VPS50: variants seen among roughly 807,000 people sequenced by gnomAD.
VPS50 encodes the protein syndetin.
Under a neutral mutation model 139.7 loss-of-function variants are expected in VPS50, and 70 were observed. The ratio of observed to expected loss-of-function variants is 0.50; its 90% confidence interval spans 0.41 to 0.61. The LOEUF (loss-of-function observed/expected upper bound fraction) is 0.61, where lower values mean the gene tolerates loss of function less well. VPS50 is among the 20% of genes least tolerant of loss of function. The pLI, the probability that VPS50 is intolerant of heterozygous loss-of-function variation, is 0.00. For missense variants in VPS50, 921 were observed against 1,133.7 expected, an observed-to-expected ratio of 0.81 and a Z score of 2.69; for synonymous variants, 365 against 376.7, an observed-to-expected ratio of 0.97 and a Z score of 0.36.
chr7:93,284,506 T>C (rs1445926042), intron 12 of VPS50, among the ~76,000 whole-genome samples: 1 of 152,226 alleles, frequency 6.6e-6, no homozygotes, highest in East Asian at 1.9e-4. Context: ...TAATTCCAAG[T>C]TGGGATTATT....
intron 20 of VPS50, among the ~76,000 whole-genome samples, chr7:93,314,864 A>T (rs1051136753): frequency 6.6e-6 from 1 of 152,028 alleles, no homozygotes; most frequent in Non-Finnish European, 1.5e-5. Flanking sequence ...CAAATACTAG[A>T]TGACAGACTG....
intron 12 of VPS50, among the ~76,000 whole-genome samples, chr7:93,282,739 T>C (rs1796365897): frequency 6.6e-6 from 1 of 152,232 alleles, no homozygotes; most frequent in Non-Finnish European, 1.5e-5. Context: ...TGTGGTTGAA[T>C]AGGTGAGTAG....
intron 12 of VPS50, among the ~76,000 whole-genome samples, chr7:93,286,129 C>T (rs1796477239): frequency 6.6e-6 from 1 of 151,998 alleles, no homozygotes; most frequent in Non-Finnish European, 1.5e-5. Context: ...GGAAGAGTAG[C>T]AGTGGAAAAT....
chr7:93,255,016 T>C (rs1356556128), intron 4 of VPS50, among the ~76,000 whole-genome samples: 2 of 152,056 alleles, frequency 1.3e-5, no homozygotes, highest in Non-Finnish European at 2.9e-5. Flanking sequence ...GGATTTGAGC[T>C]CTAGAGCAGT....
At chr7:93,326,427 C>T (rs1308560242) in intron 21 of VPS50, among the ~76,000 whole-genome samples, 1 of 143,228 alleles carries the variant, frequency 7.0e-6, no homozygotes, top group Non-Finnish European at 1.5e-5. Flanking sequence ...TGCACATGTA[C>T]CCTAAAACTT....
intron 4 of VPS50, among the ~76,000 whole-genome samples, chr7:93,255,068 G>C (rs983857741): frequency 6.6e-6 from 1 of 152,036 alleles, no homozygotes; most frequent in Non-Finnish European, 1.5e-5. Context: ...TTTTGTGGAA[G>C]ACAATTTTTC....
At chr7:93,297,313 T>G (rs918538666) in intron 16 of VPS50, 70 bp downstream of exon 16, 46 of 1,323,034 alleles carry the variant, frequency 3.5e-5, no homozygotes, top group Non-Finnish European at 4.4e-5. Context: ...ATACTTAATC[T>G]TATAGCATTA....
chr7:93,270,664 A>G (rs140569575), intron 9 of VPS50, among the ~76,000 whole-genome samples: 1 of 152,068 alleles, frequency 6.6e-6, no homozygotes, highest in Non-Finnish European at 1.5e-5. Flanking sequence ...AAGAGGTTAT[A>G]TCAGTTTCCC....
At chr7:93,309,728 A>G (rs1797211616) in intron 19 of VPS50, among the ~76,000 whole-genome samples, 1 of 151,950 alleles carries the variant, frequency 6.6e-6, no homozygotes, top group Non-Finnish European at 1.5e-5. Flanking sequence ...TATGATAATT[A>G]TAAGAGAATT....
chr7:93,273,844 A>G (rs1796078675), intron 11 of VPS50, among the ~76,000 whole-genome samples: 1 of 152,124 alleles, frequency 6.6e-6, no homozygotes, highest in South Asian at 2.1e-4. Context: ...TTTTTCCAAC[A>G]GTATGCATGC....
At chr7:93,331,357 A>G (rs995717489) in intron 21 of VPS50, among the ~76,000 whole-genome samples, 2 of 152,134 alleles carry the variant, frequency 1.3e-5, no homozygotes, top group African/African-American at 4.8e-5. Context: ...CTGATTTCAC[A>G]AAGACTTACT....
rs749593656 is a variant in VPS50 at position 93,276,281 on chromosome 7, G to A, written c.918G>A (p.Lys306=). The A allele has an allele frequency of 6.2e-7, 1 of 1,613,336 alleles. No homozygotes were observed. Among genetic ancestry groups the A allele is most frequent in the Non-Finnish European group, 8.5e-7 (1 of 1,179,532 alleles). Residue 306 remains lysine (K), a synonymous_variant, in exon 12 of 28, where the codon AAG becomes AAA. Transcript: ENST00000305866. ...CAGNTDTKFQ[K]LQYKDLCTHV... Reference sequence around the variant, plus strand: ...GAAACACAGACACAAAATTCCAAAAGCTGCAATATAAGGATCTCTGTACAG... The same window carrying A: ...GAAACACAGACACAAAATTCCAAAAACTGCAATATAAGGATCTCTGTACAG...
At chr7:93,243,930 TG>T (rs1795071589) in intron 2 of VPS50, among the ~76,000 whole-genome samples, 1 of 151,934 alleles carries the variant, frequency 6.6e-6, no homozygotes. Context: ...ATACTAATAT[TG>T]TTTTACGAGT....
chr7:93,353,696 C>A lies in VPS50; in HGVS notation c.2520C>A (p.Pro840=). The A allele has an allele frequency of 6.2e-7, 1 of 1,612,400 alleles. No individual in the cohort carries two copies. Among genetic ancestry groups the A allele is most frequent in the South Asian group, 1.1e-5 (1 of 91,000 alleles). The change falls in exon 26 of 28, where the codon CCC becomes CCA. Residue 840 remains proline, a synonymous_variant. Coordinates refer to ENST00000305866, the MANE Select transcript of VPS50 (RefSeq NM_017667.4). Reference sequence around the variant, plus strand: ...AAGTTTCTAAGAGAGTTCGCATACCCTTGCCTGTGTCTAATATACTTTGGG... The same window carrying A: ...AAGTTTCTAAGAGAGTTCGCATACCATTGCCTGTGTCTAATATACTTTGGG... ...LNEVSKRVRI[P]LPVSNILWEH... is the part of the protein sequence containing the mutation.
chr7:93,353,999 G>A (rs993640079), intron 26 of VPS50, among the ~76,000 whole-genome samples: 2 of 152,008 alleles, frequency 1.3e-5, no homozygotes, highest in Non-Finnish European at 2.9e-5. Context: ...AGAATCTAAT[G>A]GTTATCTGAA....
chr7:93,284,034 G>A (rs1427031228), intron 12 of VPS50, among the ~76,000 whole-genome samples: 2 of 152,236 alleles, frequency 1.3e-5, no homozygotes, highest in East Asian at 3.9e-4. Flanking sequence ...CCTCTATATT[G>A]TTCATGTCTA....
At chr7:93,319,006 C>A (rs1188428251) in intron 20 of VPS50, among the ~76,000 whole-genome samples, 2 of 152,060 alleles carry the variant, frequency 1.3e-5, no homozygotes, top group Non-Finnish European at 2.9e-5. Context: ...ACACAAGGTA[C>A]GGCCCATTCC....
intron 23 of VPS50, among the ~76,000 whole-genome samples, chr7:93,347,129 G>GA (rs1300456759): frequency 1.3e-5 from 2 of 148,178 alleles, no homozygotes; most frequent in African/African-American, 4.9e-5. Context: ...AAGTTTGCAA[G>GA]AAAAAAACAA....
At chr7:93,291,110 G>A (rs1404607282) in intron 12 of VPS50, among the ~76,000 whole-genome samples, 1 of 152,068 alleles carries the variant, frequency 6.6e-6, no homozygotes, top group Non-Finnish European at 1.5e-5. Flanking sequence ...TTTTTACAAA[G>A]GGAAGCAAAA....
Sources: allele counts gnomAD v4.1 joint callset (sites outside exome capture counted in the v4.1 genomes callset), GRCh38; gene constraint gnomAD v4.1.1; transcripts MANE v1.5; gene names NCBI Gene and HGNC (gene_info 2026-07-23, HGNC 2026-07-21).